LINC00305: variants seen among roughly 807,000 people sequenced by gnomAD.
LINC00305 encodes long independently transcribed non-coding RNA 305, also known as long intergenic non-protein coding RNA 305.
rs1356036353 is a variant in LINC00305, at chr18:64,092,186, T to TG, written n.540+5647_540+5648insC. 3.3e-5 allele frequency among the ~76,000 whole-genome samples: 5 copies of TG among 152,360 alleles called. No individual in the cohort carries two copies. The East Asian group carries it at 9.6e-4, about 29-fold the overall frequency. The stretch of plus-strand genomic sequence containing the variant: ...TCCTTGGTGCTTACTGGGTGCCTTT[T>TG]CTAGTTTCATGTTCTTTTCAACAGC... On this transcript the variant is annotated intron_variant and non_coding_transcript_variant, in intron 3 of 3. Transcript: ENST00000666468.
intron 1 of LINC00305, among the ~76,000 whole-genome samples, chr18:64,146,023 T>A (rs1298489154): frequency 6.6e-6 from 1 of 152,078 alleles, no homozygotes; most frequent in African/African-American, 2.4e-5. Context: ...AAGTGAAATA[T>A]TAATATTTTA....
chr18:64,084,226 T>C (rs2051194958), intron 3 of LINC00305, among the ~76,000 whole-genome samples: 2 of 152,242 alleles, frequency 1.3e-5, no homozygotes, highest in South Asian at 2.1e-4. Context: ...ATATGGCATA[T>C]AGTATCAACT....
chr18:64,129,301 A>G (rs1348599851), intron 1 of LINC00305, among the ~76,000 whole-genome samples: 1 of 152,146 alleles, frequency 6.6e-6, no homozygotes, highest in East Asian at 1.9e-4. Context: ...TTCCTCTTAA[A>G]TGACTGATTT....
chr18:64,143,681 T>C (rs2051480312), intron 1 of LINC00305, among the ~76,000 whole-genome samples: 1 of 149,322 alleles, frequency 6.7e-6, no homozygotes, highest in African/African-American at 2.5e-5. Context: ...TACATATGTA[T>C]GTCCACATAT....
At chr18:64,148,005 G>A (rs981982363) in intron 1 of LINC00305, among the ~76,000 whole-genome samples, 5 of 151,918 alleles carry the variant, frequency 3.3e-5, no homozygotes, top group East Asian at 1.9e-4. Context: ...GAACCATCTC[G>A]GATGTACGTT....
At chr18:64,114,804 C>T (rs1186909549) in intron 1 of LINC00305, among the ~76,000 whole-genome samples, 3 of 152,238 alleles carry the variant, frequency 2.0e-5, no homozygotes, top group African/African-American at 7.2e-5. Context: ...CTGCCTCGGC[C>T]TCCCGAAGTG....
chr18:64,114,986 C>T (rs755936688), intron 1 of LINC00305, among the ~76,000 whole-genome samples: 96 of 152,204 alleles, frequency 6.3e-4, no homozygotes, highest in Admixed American at 1.1e-3. Context: ...CCCTTCTCCT[C>T]CCACCCTCCT....
intron 1 of LINC00305, among the ~76,000 whole-genome samples, chr18:64,109,965 G>A (rs1469220402): frequency 1.3e-5 from 2 of 152,114 alleles, no homozygotes; most frequent in Admixed American, 6.5e-5. Context: ...ATCATTGTGA[G>A]TTTTTTTCTG....
chr18:64,105,576 A>T (rs1349118921), intron 1 of LINC00305, among the ~76,000 whole-genome samples: 2 of 152,192 alleles, frequency 1.3e-5, no homozygotes, highest in African/African-American at 4.8e-5. Flanking sequence ...GTATGTGTGT[A>T]CGTGCACGTG....
At chr18:64,097,413 C>T (rs1421935662) in intron 3 of LINC00305, among the ~76,000 whole-genome samples, 1 of 152,090 alleles carries the variant, frequency 6.6e-6, no homozygotes, top group African/African-American at 2.4e-5. Context: ...AATTACTACT[C>T]AAGACAATGG....
At chr18:64,100,534 A>G (rs903196453) in intron 1 of LINC00305, among the ~76,000 whole-genome samples, 1 of 152,166 alleles carries the variant, frequency 6.6e-6, no homozygotes, top group African/African-American at 2.4e-5. Flanking sequence ...AGCCCAATTT[A>G]CCCTACTTTT....
At chr18:64,143,796 C>CATACAT (rs2051483095) in intron 1 of LINC00305, among the ~76,000 whole-genome samples, 2 of 93,630 alleles carry the variant, frequency 2.1e-5, no homozygotes, top group African/African-American at 7.9e-5. Context: ...ACATATTATG[C>CATACAT]GTACATGTAT....
chr18:64,121,045 C>T (rs577044503), intron 1 of LINC00305, among the ~76,000 whole-genome samples: 4 of 152,126 alleles, frequency 2.6e-5, no homozygotes, highest in Admixed American at 2.6e-4. Flanking sequence ...GCAATATTCT[C>T]TAAGGCAATG....
intron 1 of LINC00305, among the ~76,000 whole-genome samples, chr18:64,137,766 G>T (rs188617885): frequency 1.6e-3 from 244 of 152,068 alleles, no homozygotes; most frequent in African/African-American, 5.6e-3. Flanking sequence ...ACAACGTTTA[G>T]AGAGGAACAC....
intron 1 of LINC00305, among the ~76,000 whole-genome samples, chr18:64,122,451 C>A (rs1190258944): frequency 6.6e-6 from 1 of 152,118 alleles, no homozygotes; most frequent in African/African-American, 2.4e-5. Flanking sequence ...TGTCCTTTCT[C>A]TAGTGTATGA....
At chr18:64,120,440 G>T (rs1305442913) in intron 1 of LINC00305, among the ~76,000 whole-genome samples, 1 of 151,958 alleles carries the variant, frequency 6.6e-6, no homozygotes, top group African/African-American at 2.4e-5. Context: ...GATTAAACCT[G>T]CCCTTAAACT....
chr18:64,084,164 C>T (rs986433623), intron 3 of LINC00305, among the ~76,000 whole-genome samples: 5 of 152,200 alleles, frequency 3.3e-5, no homozygotes, highest in Non-Finnish European at 7.3e-5. Flanking sequence ...CCAAGAAAGG[C>T]AATTTCTACA....
chr18:64,086,282 A>AT (rs2051203228), intron 3 of LINC00305, among the ~76,000 whole-genome samples: 1 of 152,206 alleles, frequency 6.6e-6, no homozygotes, highest in South Asian at 2.1e-4. Context: ...ATGCTATTGC[A>AT]TTTTTGCCAA....
intron 1 of LINC00305, among the ~76,000 whole-genome samples, chr18:64,099,877 G>A (rs2051261434): frequency 6.6e-6 from 1 of 152,118 alleles, no homozygotes; most frequent in African/African-American, 2.4e-5. Context: ...GTGTTCTCAG[G>A]TTCCTTGTTA....
Sources: gnomAD v4.1 joint callset for allele counts (sites outside exome capture counted in the v4.1 genomes callset) on GRCh38, gnomAD v4.1.1 for gene constraint, MANE v1.5 for transcripts, NCBI Gene and HGNC (gene_info 2026-07-23, HGNC 2026-07-21) for gene names.